EWSR1: variants seen among roughly 807,000 people sequenced by gnomAD.
EWSR1 encodes the protein EWS RNA binding protein 1.
A neutral mutation model predicts 92.1 loss-of-function variants in EWSR1; 14 were observed. The observed-to-expected ratio is 0.15, with a 90% CI of 0.10 to 0.24. EWSR1 has a LOEUF of 0.24. EWSR1 is among the 10% of genes least tolerant of loss of function. The probability of loss-of-function intolerance (pLI) is 1.00; values close to 1 mark genes in which losing one functional copy is unlikely to be tolerated. For synonymous variants in EWSR1, 303 were observed against 292.9 expected, an observed-to-expected ratio of 1.03 and a Z score of -0.35; for missense variants, 637 against 870.9, an observed-to-expected ratio of 0.73 and a Z score of 3.38.
intron 8 of EWSR1, chr22:29,289,806 A>G (rs1230680403): frequency 1.3e-5 from 3 of 231,616 alleles, no homozygotes; most frequent in South Asian, 3.6e-4. Context: ...ACTATTTTGC[A>G]TATTCTGCAT....
At chr22:29,272,788 G>A (rs2058785159) in intron 3 of EWSR1, among the ~76,000 whole-genome samples, 1 of 152,238 alleles carries the variant, frequency 6.6e-6, no homozygotes, top group Non-Finnish European at 1.5e-5. Context: ...GAACATTGCA[G>A]TGCATAGATA....
intron 6 of EWSR1, among the ~76,000 whole-genome samples, chr22:29,285,222 TA>T (rs1347375577): frequency 1.3e-5 from 2 of 149,928 alleles, no homozygotes; most frequent in Non-Finnish European, 2.9e-5. Context: ...CTTCCAGGTT[TA>T]AACAGTTCTC....
At chr22:29,281,673 T>C (rs1262707880) in intron 5 of EWSR1, among the ~76,000 whole-genome samples, 6 of 152,092 alleles carry the variant, frequency 3.9e-5, no homozygotes, top group Admixed American at 3.9e-4. Flanking sequence ...CTCCGCCTCC[T>C]GGGTTCACGC....
chr22:29,292,115 T>C, intron 9 of EWSR1, 22 bp from the exon 10 acceptor site: 2 of 1,611,870 alleles, frequency 1.2e-6, no homozygotes, highest in Non-Finnish European at 8.5e-7. Context: ...TAATATTTTA[T>C]ATGATCTTTC....
chr22:29,298,597 CACACGGAA>C (rs2061067990), intron 13 of EWSR1, 128 bp from the exon 14 acceptor site: 11 of 1,072,396 alleles, frequency 1.0e-5, no homozygotes, highest in Admixed American at 5.7e-5. Flanking sequence ...TGGCCTGAGC[CACACGGAA>C]ACACGGGACA....
chr22:29,299,987 GGGGGCTCT>G, intron 16 of EWSR1, 127 bp from the exon 17 acceptor site: 1 of 1,391,066 alleles, frequency 7.2e-7, no homozygotes, highest in Admixed American at 2.2e-5. Context: ...AGGGGCACCT[GGGGGCTCT>G]GGAAGGGCTT....
intron 11 of EWSR1, among the ~76,000 whole-genome samples, chr22:29,293,434 C>G (rs2060599574): frequency 1.3e-5 from 2 of 152,148 alleles, no homozygotes; most frequent in South Asian, 4.1e-4. Context: ...CCCCATAAAC[C>G]TCAAAACCTT....
chr22:29,274,010 C>T (rs2058903622), intron 4 of EWSR1, 146 bp downstream of exon 4: 9 of 1,101,782 alleles, frequency 8.2e-6, no homozygotes, highest in Non-Finnish European at 1.2e-5. Flanking sequence ...TATTTTTTCT[C>T]TTTCTTCCCT....
chr22:29,272,525 A>G (rs1445511236), intron 3 of EWSR1, 94 bp downstream of exon 3: 1 of 1,299,574 alleles, frequency 7.7e-7, no homozygotes, highest in Non-Finnish European at 1.1e-6. Flanking sequence ...ACAAATGAGT[A>G]ATGTGTTTGG....
At chr22:29,297,420 A>AGTG (rs1202321515) in intron 12 of EWSR1, among the ~76,000 whole-genome samples, 2 of 152,146 alleles carry the variant, frequency 1.3e-5, no homozygotes, top group African/African-American at 4.8e-5. Flanking sequence ...GGCCAGGCAC[A>AGTG]GTGGCTCTTG....
rs1246228270 is a variant in EWSR1 at position 29,287,103 on chromosome 22, T to C, written c.762T>C (p.Tyr254=). The C allele has an allele frequency of 1.9e-6, 3 of 1,614,034 alleles. No homozygotes were observed. Among genetic ancestry groups the C allele is most frequent in the Non-Finnish European group, 2.5e-6 (3 of 1,179,942 alleles). Residue 254 remains tyrosine, a synonymous_variant, in exon 7 of 17, where the codon TAT becomes TAC. Transcript: ENST00000397938. The part of the protein sequence containing the change: ...TGSYSQAPSQ[Y]SQQSSSYGQQ... ...CCTACAGCCAAGCTCCAAGTCAATA[T>C]AGCCAACAGAGCAGCAGCTACGGGC...
intron 11 of EWSR1, among the ~76,000 whole-genome samples, chr22:29,293,457 G>A (rs188858826): frequency 2.0e-3 from 312 of 152,290 alleles, no homozygotes; most frequent in Non-Finnish European, 3.1e-3. Flanking sequence ...AACCCCAATT[G>A]AATATTTACT....
At position 29,276,137 on chromosome 22, in the gene EWSR1, G is replaced by GT. The variant is rs909892637; in HGVS notation, c.227-1886dup. The GT allele has an allele frequency of 6.1e-5, 14 of 231,078 alleles. No homozygotes were observed. In the South Asian group the frequency reaches 1.1e-3, roughly 18 times the overall value. The allele number at this position is 231,078 out of a possible 1,614,324, so 14.3% of individuals were successfully genotyped here. ...TTGCCCTGATCACTTTTAGTTTTTT[G>GT]TTTTTTTAATTGCCCTCCTTGTAAA... On this transcript the variant is annotated intron_variant, in intron 4 of 16. Transcript: ENST00000397938.
intron 5 of EWSR1, 56 bp downstream of exon 5, chr22:29,278,272 C>T (rs1773046880): frequency 5.3e-6 from 8 of 1,513,120 alleles, no homozygotes; most frequent in Middle Eastern, 1.7e-4. Flanking sequence ...AAGAAAGCAA[C>T]TGTGTACACT....
At chr22:29,280,131 G>A (rs2059446986) in intron 5 of EWSR1, among the ~76,000 whole-genome samples, 1 of 152,066 alleles carries the variant, frequency 6.6e-6, no homozygotes, top group Admixed American at 6.6e-5. Context: ...TGTCCAGGCT[G>A]GAGTGCAGTG....
rs1347715024 is a variant in EWSR1, at chr22:29,280,887, T to TG, written c.414-1503_414-1502insG. On this transcript the variant is annotated intron_variant, in intron 5 of 16. Coordinates refer to ENST00000397938, the MANE Select transcript of EWSR1 (RefSeq NM_005243.4). ...GTTTTTTTTTTTTTTTTTTTTTTTT[T>TG]TTTTTTTTTTTTGACAGAGTCTTGC... 1.3e-3 allele frequency among the ~76,000 whole-genome samples: 159 copies of TG among 121,808 alleles called. 1 individual carries two copies. The highest frequency in any genetic ancestry group is 2.4e-3 in the Non-Finnish European group (131 of 54,736). The allele number at this position is 121,808 out of a possible 152,430, so 79.9% of individuals were successfully genotyped here.
rs778030232 is a variant in EWSR1 at position 29,272,536 on chromosome 22, A to G, written c.102+105A>G. 7.6e-4 allele frequency: 873 copies of G among 1,154,720 alleles called. 2 individuals carry two copies. Among genetic ancestry groups the G allele is most frequent in the Non-Finnish European group, 1.0e-3 (797 of 785,058 alleles). 71.5% of individuals were successfully genotyped at this position (1,154,720 alleles called of 1,614,324 possible). ...TAAAACAAATGAGTAATGTGTTTGG[A>G]ATAGTAAAATACCCAGGCATTTTAA... On this transcript the variant is annotated intron_variant, in intron 3 of 16. Coordinates refer to ENST00000397938, the MANE Select transcript of EWSR1 (RefSeq NM_005243.4).
Position 29,300,419 on chromosome 22 carries a change from A to G in EWSR1, c.*258A>G. 1 of 397,398 alleles carries G rather than the reference A, an allele frequency of 2.5e-6. No individual in the cohort carries two copies. Among genetic ancestry groups the G allele is most frequent in the South Asian group, 5.4e-5 (1 of 18,478 alleles). 24.6% of individuals were successfully genotyped at this position (397,398 alleles called of 1,614,324 possible). A position where few individuals can be genotyped will look rare whatever the true frequency, so the allele number is the denominator to read the frequency against. ...ATGGGAACCCCTTGTGAGCATGCTC[A>G]GTATCATTGTGGAGAACCAAGAGGG... On this transcript the variant is annotated 3_prime_UTR_variant, in exon 17 of 17. Coordinates refer to ENST00000397938, the MANE Select transcript of EWSR1 (RefSeq NM_005243.4).
intron 7 of EWSR1, among the ~76,000 whole-genome samples, chr22:29,288,171 A>G (rs16987365): frequency 0.01 from 1,532 of 152,352 alleles, 43 homozygotes; most frequent in African/African-American, 0.036. Context: ...ATTACATTCT[A>G]TCCACGGGGA....
Sources: allele counts gnomAD v4.1 joint callset (sites outside exome capture counted in the v4.1 genomes callset), GRCh38; gene constraint gnomAD v4.1.1; transcripts MANE v1.5; gene names NCBI Gene and HGNC (gene_info 2026-07-23, HGNC 2026-07-21).